Variants in SNRPE observed in about 807,000 individuals in gnomAD.
SNRPE encodes the protein small nuclear ribonucleoprotein E.
For missense variants in SNRPE, 53 were observed against 111.6 expected (o/e 0.48, Z 2.36); for synonymous variants, 35 against 36.7 (o/e 0.95, Z 0.17).
chr1:203,865,884 G>A (rs1049421041), intron 4 of SNRPE, among the ~76,000 whole-genome samples: 2 of 152,086 alleles, frequency 1.3e-5, no homozygotes, highest in Non-Finnish European at 1.5e-5. Context: ...GAAGAGATGC[G>A]TAGGGCAAGG....
intron 2 of SNRPE, 53 bp from the exon 3 acceptor site, chr1:203,863,610 C>T (rs890648837): frequency 1.2e-5 from 16 of 1,345,380 alleles, no homozygotes; most frequent in Middle Eastern, 2.2e-4. Flanking sequence ...TGAGCCACCG[C>T]GCCCGGCCCT....
At chr1:203,866,982 T>C (rs1192867000) in intron 4 of SNRPE, among the ~76,000 whole-genome samples, 2 of 151,132 alleles carry the variant, frequency 1.3e-5, no homozygotes. Context: ...AAGACAGCGG[T>C]CCCCTAGGCC....
chr1:203,864,235 T>C (rs528543010), intron 3 of SNRPE, among the ~76,000 whole-genome samples: 26 of 151,806 alleles, frequency 1.7e-4, no homozygotes, highest in Admixed American at 1.4e-3. Context: ...ATTACAGGCA[T>C]GAGCCACAAC....
Position 203,861,719 on chromosome 1 carries a change from C to T in SNRPE, c.54+6C>T, listed in dbSNP as rs1303595247. On this transcript the variant is annotated splice_donor_region_variant and intron_variant, in intron 1 of 4. Transcript: ENST00000414487. ...AGGTTATGGTGCAGCCCATCGTATC[C>T]TACGCAGGATGTCAGGACTAGGAGG... 1 of 1,605,750 alleles carries T rather than the reference C, an allele frequency of 6.2e-7. No individual in the cohort carries two copies. Among genetic ancestry groups the T allele is most frequent in the South Asian group, 1.1e-5 (1 of 90,912 alleles).
At chr1:203,862,372 G>A (rs1689995701) in intron 2 of SNRPE, 150 bp downstream of exon 2, 1 of 659,144 alleles carries the variant, frequency 1.5e-6, no homozygotes, top group African/African-American at 1.8e-5. Context: ...GGAGTACTTA[G>A]AAAGCACTAA....
chr1:203,864,907 G>C, intron 3 of SNRPE, 134 bp from the exon 4 acceptor site: 2 of 602,858 alleles, frequency 3.3e-6, no homozygotes, highest in Non-Finnish European at 4.8e-6. Flanking sequence ...AAAAACTTTG[G>C]GTGGAAGGTG....
chr1:203,868,879 A>G (rs559679705), intron 4 of SNRPE, among the ~76,000 whole-genome samples: 2 of 152,236 alleles, frequency 1.3e-5, no homozygotes, highest in South Asian at 2.1e-4. Flanking sequence ...CGTGTTGTCC[A>G]GGCTGGTCTC....
At chr1:203,869,289 C>CTTTTTTTTTTTTTTTTTTTTTTTTT (rs564988259) in intron 4 of SNRPE, among the ~76,000 whole-genome samples, 4 of 66,792 alleles carry the variant, frequency 6.0e-5, no homozygotes, top group Non-Finnish European at 1.1e-4. Flanking sequence ...AGGATGGAGT[C>CTTTTTTTTTTTTTTTTTTTTTTTTT]TTTTTTTTTT....
In SNRPE at chr1:203,862,044, T is replaced by G. The variant is rs1689988454; in HGVS notation, c.55-152T>G. The G allele has an allele frequency of 2.7e-5, 18 of 670,356 alleles. 1 individual carries two copies. The South Asian group carries it at 2.9e-4, about 11-fold the overall frequency. The allele number at this position is 670,356 out of a possible 1,614,324, so 41.5% of individuals were successfully genotyped here. The stretch of plus-strand genomic sequence containing the variant: ...TGTTCTTTAGTCTTTAGAAGACCCG[T>G]AACGAATGCCCAGCTGGGCACTTGT... On this transcript the variant is annotated intron_variant, in intron 1 of 4. Coordinates refer to ENST00000414487, the MANE Select transcript of SNRPE (RefSeq NM_003094.4).
At chr1:203,865,883 C>CGTAG (rs1416910070) in intron 4 of SNRPE, among the ~76,000 whole-genome samples, 66 of 152,188 alleles carry the variant, frequency 4.3e-4, no homozygotes, top group Non-Finnish European at 7.2e-4. Context: ...TGAAGAGATG[C>CGTAG]GTAGGGCAAG....
In SNRPE at chr1:203,863,837, GT is replaced by G. The variant is rs1690030248; in HGVS notation, c.144+117del. On this transcript the variant is annotated intron_variant, in intron 3 of 4. Transcript: ENST00000414487. ...AAGTCAAAGATCCAACCTAAGGAAA[GT>G]TTTTCAGGTGCTGCTGTTTAGCCTT... 7.4e-6 allele frequency: 5 copies of G among 677,340 alleles called. No homozygotes were observed. The East Asian group carries it at 1.3e-4, about 18-fold the overall frequency. The allele number at this position is 677,340 out of a possible 1,614,324, so 42.0% of individuals were successfully genotyped here. A position where few individuals can be genotyped will look rare whatever the true frequency, so the allele number is the denominator to read the frequency against.
At position 203,862,348 on chromosome 1, in the gene SNRPE, G is replaced by A. The variant is rs1165662406; in HGVS notation, c.81+126G>A. 1.4e-5 allele frequency: 10 copies of A among 712,784 alleles called. No homozygotes were observed. The Admixed American group carries it at 1.9e-4, about 14-fold the overall frequency. 44.2% of individuals were successfully genotyped at this position (712,784 alleles called of 1,614,324 possible). A position where few individuals can be genotyped will look rare whatever the true frequency, so the allele number is the denominator to read the frequency against. ...AATAGATGTAACTGGAGATTGGAGG[G>A]TAATTGAGGGGAAGGAGTACTTAGA... is the stretch of plus-strand genomic sequence containing the variant. On this transcript the variant is annotated intron_variant, in intron 2 of 4. Transcript: ENST00000414487.
chr1:203,868,970 G>GA (rs1690152229), intron 4 of SNRPE, among the ~76,000 whole-genome samples: 1 of 152,146 alleles, frequency 6.6e-6, no homozygotes, highest in East Asian at 1.9e-4. Flanking sequence ...TACCCAGCCG[G>GA]GTTTTTTAGA....
intron 4 of SNRPE, 22 bp downstream of exon 4, chr1:203,865,141 C>G: frequency 6.3e-7 from 1 of 1,582,578 alleles, no homozygotes; most frequent in Non-Finnish European, 8.6e-7. Context: ...AGTGGTCTTA[C>G]AGAATTCTAG....
At position 203,869,536 on chromosome 1, in the gene SNRPE, T is replaced by TTA. The variant is rs576881234; in HGVS notation, c.224-338_224-337dup. ...TATACTAACAGCTTTAAGAATGGAGTTATAATATGCTGTATTTCCCAAACT... is the reference window on the plus strand; with the variant it reads ...TATACTAACAGCTTTAAGAATGGAGTTATATAATATGCTGTATTTCCCAAACT... On this transcript the variant is annotated intron_variant, in intron 4 of 4. Transcript: ENST00000414487. Among the ~76,000 whole-genome samples, 18 of 152,096 alleles carry TTA rather than the reference T, an allele frequency of 1.2e-4. No individual in the cohort carries two copies. The East Asian group carries it at 3.5e-3, about 29-fold the overall frequency.
chr1:203,865,230 T>C (rs1412461461), intron 4 of SNRPE, 111 bp downstream of exon 4: 2 of 969,482 alleles, frequency 2.1e-6, no homozygotes, highest in African/African-American at 1.6e-5. Context: ...TGAGAAGTTA[T>C]TATTCAGAGT....
intron 4 of SNRPE, among the ~76,000 whole-genome samples, chr1:203,865,419 C>T (rs1408895804): frequency 6.6e-6 from 1 of 152,148 alleles, no homozygotes; most frequent in Non-Finnish European, 1.5e-5. Flanking sequence ...TGGCTGCTCC[C>T]TCCTTAAAGC....
intron 3 of SNRPE, 77 bp downstream of exon 3, chr1:203,863,802 A>T (rs1690029530): frequency 1.0e-6 from 1 of 1,002,808 alleles, no homozygotes; most frequent in Non-Finnish European, 1.5e-6. Flanking sequence ...TAGCCAGAAC[A>T]GTGTATAAAA....
At chr1:203,869,289 C>CTTTTTTTTTTTTTTTTTTTTTT (rs564988259) in intron 4 of SNRPE, among the ~76,000 whole-genome samples, 2 of 66,814 alleles carry the variant, frequency 3.0e-5, no homozygotes, top group Non-Finnish European at 5.3e-5. Flanking sequence ...AGGATGGAGT[C>CTTTTTTTTTTTTTTTTTTTTTT]TTTTTTTTTT....
Sources: allele counts gnomAD v4.1 joint callset (sites outside exome capture counted in the v4.1 genomes callset), GRCh38; gene constraint gnomAD v4.1.1; transcripts MANE v1.5; gene names NCBI Gene and HGNC (gene_info 2026-07-23, HGNC 2026-07-21).